The following HSPA14 variants were observed in gnomAD, a reference collection of about 807,000 sequenced individuals.
HSPA14 encodes the protein heat shock protein family A (Hsp70) member 14, also known as heat shock 70 kDa protein 14.
HSPA14 carries 37 observed loss-of-function variants against 65.5 expected under a neutral mutation model. That is an observed-to-expected ratio of 0.56 (90% CI 0.43 to 0.74). The LOEUF is 0.74. HSPA14 is among the 30% of genes least tolerant of loss of function. The probability of loss-of-function intolerance (pLI) is 0.00; values close to 1 mark genes in which losing one functional copy is unlikely to be tolerated. For synonymous variants in HSPA14, 203 were observed against 214.2 expected (o/e 0.95, Z 0.46); for missense variants, 564 against 607.6 (o/e 0.93, Z 0.75).
intron 7 of HSPA14, among the ~76,000 whole-genome samples, 167 bp from the exon 8 acceptor site, chr10:14,852,203 G>A (rs1834113439): frequency 6.6e-6 from 1 of 152,214 alleles, no homozygotes; most frequent in Non-Finnish European, 1.5e-5. Context: ...GAACATCTCA[G>A]ATCTAGGCTT....
chr10:14,854,985 A>G (rs1237211908), intron 9 of HSPA14, among the ~76,000 whole-genome samples: 1 of 152,216 alleles, frequency 6.6e-6, no homozygotes, highest in Non-Finnish European at 1.5e-5. Flanking sequence ...TCAGGCTACA[A>G]CTCAAAAGAT....
intron 8 of HSPA14, among the ~76,000 whole-genome samples, chr10:14,853,781 G>A (rs1267302126): frequency 6.6e-6 from 1 of 152,162 alleles, no homozygotes; most frequent in Non-Finnish European, 1.5e-5. Flanking sequence ...GTGCAGTGGT[G>A]CAATCTCGGC....
At position 14,848,601 on chromosome 10, in the gene HSPA14, A is replaced by G. The variant is rs181803932; in HGVS notation, c.222-8A>G. The G allele has an allele frequency of 3.4e-5, 55 of 1,604,944 alleles. No homozygotes were observed. The Admixed American group carries it at 8.2e-4, about 24-fold the overall frequency. On this transcript the variant is annotated splice_region_variant and splice_polypyrimidine_tract_variant and intron_variant, in intron 3 of 13. Transcript: ENST00000378372. ...TACTTAGCTATCTTTATCTTTCTTT[A>G]TGGACAGCTCCAGTGATCCACAAGC...
intron 12 of HSPA14, among the ~76,000 whole-genome samples, chr10:14,868,309 C>T (rs1832824493): frequency 6.6e-6 from 1 of 152,150 alleles, no homozygotes; most frequent in African/African-American, 2.4e-5. Context: ...GGTTTCTCCT[C>T]ACGTTGGTTT....
In HSPA14 at chr10:14,853,199, T is replaced by TGC. The variant is rs574512193; in HGVS notation, c.734+669_734+670dup. On this transcript the variant is annotated intron_variant, in intron 8 of 13. Transcript: ENST00000378372. ...TCACTTGTTTGATAAAGACCTATACTGCTTTTTGTTACAAAGATGTTGTTT... is the reference window on the plus strand; with the variant it reads ...TCACTTGTTTGATAAAGACCTATACTGCGCTTTTTGTTACAAAGATGTTGTTT... Among the ~76,000 whole-genome samples the TGC allele has an allele frequency of 5.5e-3, 840 of 152,314 alleles. 9 individuals carry two copies. The highest frequency in any genetic ancestry group is 0.019 in the African/African-American group (784 of 41,568).
At chr10:14,847,305 C>A (rs770736581) in intron 3 of HSPA14, among the ~76,000 whole-genome samples, 2 of 152,168 alleles carry the variant, frequency 1.3e-5, no homozygotes, top group African/African-American at 4.8e-5. Flanking sequence ...GAAAACAGAA[C>A]TAGTAAGTGT....
At chr10:14,845,283 T>C (rs772591627) in intron 3 of HSPA14, 246 of 985,276 alleles carry the variant, frequency 2.5e-4, no homozygotes, top group Non-Finnish European at 2.9e-4. Flanking sequence ...ATTTAAAAAG[T>C]TTTCCAATAA....
rs991254058 is a variant in HSPA14 at position 14,845,958 on chromosome 10, A to G, written c.222-2651A>G. 3.3e-5 allele frequency: 29 copies of G among 889,906 alleles called. No individual in the cohort carries two copies. In the African/African-American group the frequency reaches 4.3e-4, roughly 13 times the overall value. The allele number at this position is 889,906 out of a possible 1,614,324, so 55.1% of individuals were successfully genotyped here. A position where few individuals can be genotyped will look rare whatever the true frequency, so the allele number is the denominator to read the frequency against. ...CAGCTCTAAAAAAATTTGAAATAGC[A>G]TAATAAAAGACAAAATGAAAACGAA... On this transcript the variant is annotated intron_variant, in intron 3 of 13. Transcript: ENST00000378372.
chr10:14,844,326 C>T, intron 3 of HSPA14: 13 of 1,045,622 alleles, frequency 1.2e-5, no homozygotes, highest in Non-Finnish European at 1.4e-5. Context: ...GTTATTAATT[C>T]ATATGGCCTT....
rs188432494 is a variant in HSPA14 at position 14,869,404 on chromosome 10, C to G, written c.1381-1193C>G. Reference sequence around the variant, plus strand: ...CTCCACCTCCCGGGTTCAACTGATTCTCCTGCCTCAGCCTCCGGAGTAGCT... The same window carrying G: ...CTCCACCTCCCGGGTTCAACTGATTGTCCTGCCTCAGCCTCCGGAGTAGCT... On this transcript the variant is annotated intron_variant, in intron 12 of 13. Coordinates refer to ENST00000378372, the MANE Select transcript of HSPA14 (RefSeq NM_016299.4). Among the ~76,000 whole-genome samples, 151 of 151,040 alleles carry G rather than the reference C, an allele frequency of 1.0e-3. 2 individuals carry two copies. Among genetic ancestry groups the G allele is most frequent in the Admixed American group, 7.0e-3 (106 of 15,204 alleles).
intron 10 of HSPA14, among the ~76,000 whole-genome samples, 165 bp downstream of exon 10, chr10:14,856,108 T>G (rs1250597422): frequency 2.6e-5 from 4 of 152,260 alleles, no homozygotes; most frequent in African/African-American, 9.6e-5. Flanking sequence ...ATGGCTCTGG[T>G]GAACTCATTT....
intron 3 of HSPA14, chr10:14,841,153 T>A (rs1281313257): frequency 6.6e-6 from 1 of 152,234 alleles, no homozygotes; most frequent in Non-Finnish European, 1.5e-5. Context: ...TTGATATTAA[T>A]CTTTTTCCTC....
At chr10:14,870,186 G>C (rs956784444) in intron 12 of HSPA14, among the ~76,000 whole-genome samples, 2 of 150,496 alleles carry the variant, frequency 1.3e-5, no homozygotes, top group Admixed American at 6.6e-5. Context: ...TTTTCCAAAT[G>C]TATTTAAAAT....
chr10:14,867,278 A>G lies in HSPA14; in HGVS notation c.1189A>G (p.Arg397Gly). ...CTCTCTTATGATAGAGTGTTCAGCC[A>G]GAGATATTTTAGTTAAGGTATGTTT... The part of the protein sequence containing the change: ...EDSLMIECSA[R>G]DILVKGVDES... Residue 397 changes from arginine to glycine, a missense_variant, in exon 11 of 14, where the codon AGA becomes GGA. Transcript: ENST00000378372. 6.2e-7 allele frequency: 1 copy of G among 1,613,062 alleles called. No individual in the cohort carries two copies. The highest frequency in any genetic ancestry group is 1.7e-5 in the Admixed American group (1 of 60,016).
chr10:14,865,628 A>G (rs1275992133), intron 10 of HSPA14, among the ~76,000 whole-genome samples: 1 of 152,116 alleles, frequency 6.6e-6, no homozygotes, highest in Non-Finnish European at 1.5e-5. Flanking sequence ...AAGATCAGAT[A>G]GTTGTAGATG....
chr10:14,864,064 C>CA (rs1832780507), intron 10 of HSPA14, among the ~76,000 whole-genome samples: 1 of 151,600 alleles, frequency 6.6e-6, no homozygotes, highest in Admixed American at 6.6e-5. Flanking sequence ...TTTCCCAAAA[C>CA]AAAGTTGGCT....
At position 14,841,442 on chromosome 10, in the gene HSPA14, A is replaced by G. The variant is rs544396214; in HGVS notation, c.221+1285A>G. ...GCAGTTTCCCATGCTGCTGTGTAAG[A>G]AATAATACAGAGACATCAAACACAT... On this transcript the variant is annotated intron_variant, in intron 3 of 13. Coordinates refer to ENST00000378372, the MANE Select transcript of HSPA14 (RefSeq NM_016299.4). Among the ~76,000 whole-genome samples, 133 of 152,300 alleles carry G rather than the reference A, an allele frequency of 8.7e-4. 1 individual carries two copies. In the South Asian group the frequency reaches 0.021, roughly 24 times the overall value.
chr10:14,860,655 G>A (rs1832743666), intron 10 of HSPA14, among the ~76,000 whole-genome samples: 1 of 152,148 alleles, frequency 6.6e-6, no homozygotes, highest in Non-Finnish European at 1.5e-5. Context: ...CGAACTGAGT[G>A]AGCCAGGGAG....
intron 3 of HSPA14, among the ~76,000 whole-genome samples, chr10:14,841,934 A>G (rs1320099436): frequency 6.6e-6 from 1 of 152,190 alleles, no homozygotes; most frequent in African/African-American, 2.4e-5. Flanking sequence ...ACTCTCAGCC[A>G]TGAAAGCATT....
Sources: allele counts gnomAD v4.1 joint callset (sites outside exome capture counted in the v4.1 genomes callset), GRCh38; gene constraint gnomAD v4.1.1; transcripts MANE v1.5; gene names NCBI Gene and HGNC (gene_info 2026-07-23, HGNC 2026-07-21).